Variants in UBE2W observed in about 807,000 individuals in gnomAD.
UBE2W encodes ubiquitin conjugating enzyme E2 W.
A neutral mutation model predicts 27.2 loss-of-function variants in UBE2W; 18 were observed. That is an observed-to-expected ratio of 0.66 (90% CI 0.46 to 0.98). UBE2W has a LOEUF of 0.98. UBE2W is among the 50% of genes least tolerant of loss of function. The probability of loss-of-function intolerance (pLI) is 0.00; values close to 1 mark genes in which losing one functional copy is unlikely to be tolerated. For synonymous variants in UBE2W, 53 were observed against 57.2 expected, an observed-to-expected ratio of 0.93 and a Z score of 0.33; for missense variants, 90 against 180.2, an observed-to-expected ratio of 0.50 and a Z score of 2.87.
intron 5 of UBE2W, among the ~76,000 whole-genome samples, chr8:73,800,193 A>G (rs1808580457): frequency 6.6e-6 from 1 of 152,210 alleles, no homozygotes; most frequent in African/African-American, 2.4e-5. Context: ...AAAAAGTTCA[A>G]AGAAGATTCT....
chr8:73,803,662 A>G (rs761901007), intron 5 of UBE2W, among the ~76,000 whole-genome samples: 1 of 150,984 alleles, frequency 6.6e-6, no homozygotes, highest in Admixed American at 6.6e-5. Flanking sequence ...AAGTTTTGCC[A>G]TTTTCTTCTT....
intron 3 of UBE2W, among the ~76,000 whole-genome samples, chr8:73,813,764 T>C (rs1809271991): frequency 6.6e-6 from 1 of 151,386 alleles, no homozygotes. Flanking sequence ...TTTTTTTTTC[T>C]TTCCCCAGAT....
Position 73,796,756 on chromosome 8 carries a change from G to A in UBE2W, c.443-2641C>T, listed in dbSNP as rs553401952. 2.1e-5 allele frequency: 14 copies of A among 653,160 alleles called. No homozygotes were observed. The East Asian group carries it at 6.9e-4, about 32-fold the overall frequency. The allele number at this position is 653,160 out of a possible 1,614,324, so 40.5% of individuals were successfully genotyped here. ...GATACAACTATGAGCCAAAGCCATC[G>A]CCATCCTTTTTCTAAATAGGATGGC... is the stretch of plus-strand genomic sequence containing the variant. On this transcript the variant is annotated intron_variant, in intron 5 of 5. Transcript: ENST00000602593.
intron 1 of UBE2W, among the ~76,000 whole-genome samples, chr8:73,839,137 C>T (rs1282941345): frequency 6.6e-6 from 1 of 152,116 alleles, no homozygotes; most frequent in Admixed American, 6.5e-5. Flanking sequence ...CCTGGACACC[C>T]TCCACCGGTA....
At chr8:73,821,891 C>T (rs1392976786) in intron 3 of UBE2W, among the ~76,000 whole-genome samples, 2 of 152,086 alleles carry the variant, frequency 1.3e-5, no homozygotes, top group Non-Finnish European at 2.9e-5. Context: ...TCATTATTTA[C>T]TGGACCAGAC....
chr8:73,860,446 T>C (rs899004300), intron 1 of UBE2W, among the ~76,000 whole-genome samples: 8 of 152,170 alleles, frequency 5.3e-5, no homozygotes, highest in Middle Eastern at 3.2e-3. Flanking sequence ...TTGTTCTATT[T>C]ATTAACCCAG....
Position 73,793,038 on chromosome 8 carries a change from A to G in UBE2W, c.*1064T>C, listed in dbSNP as rs1005419230. 1 of 985,478 alleles carries G rather than the reference A, an allele frequency of 1.0e-6. No homozygotes were observed. Among genetic ancestry groups the G allele is most frequent in the African/African-American group, 1.7e-5 (1 of 57,252 alleles). The allele number at this position is 985,478 out of a possible 1,614,324, so 61.0% of individuals were successfully genotyped here. A position where few individuals can be genotyped will look rare whatever the true frequency, so the allele number is the denominator to read the frequency against. ...AGGACAAGATGATACTCACAAGTAA[A>G]GAAAATTTACAAGAAAAAACTTAAC... On this transcript the variant is annotated 3_prime_UTR_variant, in exon 6 of 6. Transcript: ENST00000602593.
intron 1 of UBE2W, among the ~76,000 whole-genome samples, chr8:73,841,617 T>C (rs1242520680): frequency 1.3e-5 from 2 of 152,212 alleles, no homozygotes; most frequent in African/African-American, 2.4e-5. Flanking sequence ...GACTGTGGTA[T>C]GCACAAAGCC....
chr8:73,788,369 G>A lies in UBE2W; in HGVS notation c.*5733C>T. On this transcript the variant is annotated 3_prime_UTR_variant, in exon 6 of 6. Coordinates refer to ENST00000602593, the MANE Select transcript of UBE2W (RefSeq NM_018299.6). ...GAGCTTTCATTCCTATTAATAAAAT[G>A]CACACTCTGTAGTTCTGAATAATAA... The A allele has an allele frequency of 2.0e-6, 2 of 985,280 alleles. No homozygotes were observed. The highest frequency in any genetic ancestry group is 2.4e-6 in the Non-Finnish European group (2 of 829,904). 61.0% of individuals were successfully genotyped at this position (985,280 alleles called of 1,614,324 possible). A position where few individuals can be genotyped will look rare whatever the true frequency, so the allele number is the denominator to read the frequency against.
At chr8:73,801,602 T>G (rs574547062) in intron 5 of UBE2W, among the ~76,000 whole-genome samples, 2 of 152,254 alleles carry the variant, frequency 1.3e-5, no homozygotes, top group Admixed American at 6.5e-5. Context: ...ATATTCCTAA[T>G]TGGCTAATCT....
intron 1 of UBE2W, among the ~76,000 whole-genome samples, chr8:73,856,383 A>C (rs1302664602): frequency 7.5e-5 from 1 of 13,318 alleles, no homozygotes; most frequent in Non-Finnish European, 3.3e-4. Context: ...TTTTTTTTTG[A>C]GATGGGAGCC....
intron 3 of UBE2W, among the ~76,000 whole-genome samples, chr8:73,813,815 C>T (rs1253837212): frequency 1.3e-5 from 2 of 151,652 alleles, no homozygotes; most frequent in Non-Finnish European, 2.9e-5. Context: ...TGCAATGGTA[C>T]GACCTTGGCT....
At chr8:73,851,825 T>C (rs954403387) in intron 1 of UBE2W, among the ~76,000 whole-genome samples, 6 of 99,704 alleles carry the variant, frequency 6.0e-5, no homozygotes, top group Admixed American at 3.4e-4. Context: ...CCCAGAGTAT[T>C]AGTCTGGATC....
chr8:73,867,887 A>G (rs1811846772), intron 1 of UBE2W, among the ~76,000 whole-genome samples: 1 of 152,188 alleles, frequency 6.6e-6, no homozygotes, highest in Non-Finnish European at 1.5e-5. Context: ...AAAAACCACC[A>G]TAATAAACAC....
chr8:73,856,357 ATTT>A (rs34593904), intron 1 of UBE2W, among the ~76,000 whole-genome samples: 81 of 89,360 alleles, frequency 9.1e-4, no homozygotes, highest in South Asian at 6.4e-3. Context: ...ACACTTATGA[ATTT>A]TTTTTTTTTT....
At chr8:73,826,360 T>C (rs1462854384) in intron 2 of UBE2W, among the ~76,000 whole-genome samples, 1 of 152,220 alleles carries the variant, frequency 6.6e-6, no homozygotes, top group Non-Finnish European at 1.5e-5. Flanking sequence ...AATGTGTTCC[T>C]AATTATAGCT....
At chr8:73,802,552 G>C (rs1174766917) in intron 5 of UBE2W, among the ~76,000 whole-genome samples, 2 of 151,560 alleles carry the variant, frequency 1.3e-5, no homozygotes, top group Non-Finnish European at 2.9e-5. Flanking sequence ...CCTTTCTCCA[G>C]AGAGCTGATA....
intron 1 of UBE2W, 120 bp downstream of exon 1, chr8:73,878,688 C>T (rs1467693770): frequency 1.1e-6 from 1 of 898,852 alleles, no homozygotes; most frequent in South Asian, 1.5e-5. Flanking sequence ...GAAAACAGGC[C>T]ACCCGGACCG....
rs1554579998 is a variant in UBE2W at position 73,805,472 on chromosome 8, C to CAAAACAAAAAAAAAAAACAAAAAAA, written c.442+178_442+179insTTTTTTTGTTTTTTTTTTTTGTTTT. Among the ~76,000 whole-genome samples, 5 of 43,676 alleles carry CAAAACAAAAAAAAAAAACAAAAAAA rather than the reference C, an allele frequency of 1.1e-4. 1 individual carries two copies. Among genetic ancestry groups the CAAAACAAAAAAAAAAAACAAAAAAA allele is most frequent in the Non-Finnish European group, 2.5e-4 (5 of 20,124 alleles). The allele number at this position is 43,676 out of a possible 152,430, so 28.7% of individuals were successfully genotyped here. ...TCCATCTCAAAAAAAAAAAAAAAAA[C>CAAAACAAAAAAAAAAAACAAAAAAA]AAAAAAAACTAGGGTAATTCATCCA... On this transcript the variant is annotated intron_variant, in intron 5 of 5. Coordinates refer to ENST00000602593, the MANE Select transcript of UBE2W (RefSeq NM_018299.6).
Sources: allele counts gnomAD v4.1 joint callset (sites outside exome capture counted in the v4.1 genomes callset), GRCh38; gene constraint gnomAD v4.1.1; transcripts MANE v1.5; gene names NCBI Gene and HGNC (gene_info 2026-07-23, HGNC 2026-07-21).